IGF2R: variants seen among roughly 807,000 people sequenced by gnomAD.
IGF2R encodes the protein cation-independent mannose-6-phosphate receptor.
A neutral mutation model predicts 270.6 loss-of-function variants in IGF2R; 91 were observed. The observed-to-expected ratio is 0.34, with a 90% CI of 0.28 to 0.40. IGF2R has a LOEUF of 0.40. IGF2R is among the 10% of genes least tolerant of loss of function. The probability of loss-of-function intolerance (pLI) is 1.00; values close to 1 mark genes in which losing one functional copy is unlikely to be tolerated. For synonymous variants in IGF2R, 1,316 were observed against 1,258.9 expected (o/e 1.05, Z -0.96); for missense variants, 2,805 against 3,188.3 (o/e 0.88, Z 2.90).
intron 4 of IGF2R, among the ~76,000 whole-genome samples, chr6:160,019,192 A>T (rs868206553): frequency 6.6e-6 from 1 of 152,198 alleles, no homozygotes; most frequent in Non-Finnish European, 1.5e-5. Context: ...TTTAGAGGAA[A>T]TGTGTACATT....
intron 4 of IGF2R, among the ~76,000 whole-genome samples, chr6:160,021,432 T>G (rs1346400441): frequency 5.4e-5 from 6 of 112,144 alleles, no homozygotes; most frequent in Admixed American, 1.3e-4. Context: ...ATCACACACC[T>G]GGGACTGTTG....
In IGF2R at chr6:160,050,330, T is replaced by A. The variant is rs1778165694; in HGVS notation, c.2515-143T>A. 1.2e-6 allele frequency: 1 copy of A among 819,310 alleles called. No individual in the cohort carries two copies. Among genetic ancestry groups the A allele is most frequent in the Non-Finnish European group, 1.9e-6 (1 of 518,304 alleles). The allele number at this position is 819,310 out of a possible 1,614,324, so 50.8% of individuals were successfully genotyped here. Reference sequence around the variant, plus strand: ...TGAGGATGGTTTCCTATTCCATATGTAATAAGGGGATTTCCCCAGGAGCAG... The same window carrying A: ...TGAGGATGGTTTCCTATTCCATATGAAATAAGGGGATTTCCCCAGGAGCAG... On this transcript the variant is annotated intron_variant, in intron 18 of 47. Coordinates refer to ENST00000356956, the MANE Select transcript of IGF2R (RefSeq NM_000876.4). This position sits in a 1 kb window ranked among gnomAD's most constrained non-coding sequence, Gnocchi z 4.0.
At chr6:160,091,869 G>A (rs1779234699) in intron 44 of IGF2R, among the ~76,000 whole-genome samples, 1 of 152,222 alleles carries the variant, frequency 6.6e-6, no homozygotes, top group Admixed American at 6.5e-5. Flanking sequence ...ATGTCTGAGA[G>A]GCTCCCATGT....
chr6:160,060,765 T>A, intron 23 of IGF2R, 48 bp downstream of exon 23: 1 of 1,567,294 alleles, frequency 6.4e-7, no homozygotes, highest in Non-Finnish European at 8.8e-7. Flanking sequence ...AGAGTCAGTG[T>A]GTGTGTGAGT....
Position 160,009,968 on chromosome 6 carries a change from G to A in IGF2R, c.415-719G>A, listed in dbSNP as rs8191733. On this transcript the variant is annotated intron_variant, in intron 3 of 47. Transcript: ENST00000356956. ...TTTGGATCCGCATATAAATTGCATC[G>A]TTGTGCATATTGAGACCCAAAAAAG... Among the ~76,000 whole-genome samples, 872 of 143,392 alleles carry A rather than the reference G, an allele frequency of 6.1e-3. 6 individuals are homozygous for A. Among genetic ancestry groups the A allele is most frequent in the South Asian group, 0.012 (53 of 4,356 alleles). The allele number at this position is 143,392 out of a possible 152,430, so 94.1% of individuals were successfully genotyped here. A position where few individuals can be genotyped will look rare whatever the true frequency, so the allele number is the denominator to read the frequency against.
chr6:159,977,714 T>C (rs1583237425), intron 1 of IGF2R, among the ~76,000 whole-genome samples: 1 of 152,324 alleles, frequency 6.6e-6, no homozygotes, highest in African/African-American at 2.4e-5. Context: ...TTCCTGGGCT[T>C]GAATCCAGAC....
chr6:160,087,699 T>A (rs867549957), intron 41 of IGF2R, among the ~76,000 whole-genome samples: 1 of 152,230 alleles, frequency 6.6e-6, no homozygotes, highest in African/African-American at 2.4e-5. Context: ...GATGGAGTTT[T>A]GCTCTTGTTG....
At chr6:160,056,791 G>A (rs1412863696) in intron 20 of IGF2R, among the ~76,000 whole-genome samples, 1 of 152,178 alleles carries the variant, frequency 6.6e-6, no homozygotes, top group Non-Finnish European at 1.5e-5. Flanking sequence ...TGCCTTCCAT[G>A]TGGCAGTGGT....
At chr6:160,095,112 T>G (rs1779321814) in intron 44 of IGF2R, 1 of 152,208 alleles carries the variant, frequency 6.6e-6, no homozygotes, top group Non-Finnish European at 1.5e-5. Flanking sequence ...CTCTGGCCTC[T>G]GATTCTCAAC....
chr6:159,981,836 C>T (rs1315358175), intron 1 of IGF2R, among the ~76,000 whole-genome samples: 4 of 152,152 alleles, frequency 2.6e-5, no homozygotes, highest in South Asian at 4.1e-4. Context: ...ACTTAGATGT[C>T]GTGTTTGACT....
At chr6:159,986,430 G>GTTT (rs5741634) in intron 1 of IGF2R, among the ~76,000 whole-genome samples, 2 of 116,832 alleles carry the variant, frequency 1.7e-5, no homozygotes, top group African/African-American at 6.3e-5. Context: ...GTGTGTGTGT[G>GTTT]TTTTTTTTTT....
Position 160,105,364 on chromosome 6 carries a change from C to T in IGF2R, c.*280C>T, listed in dbSNP as rs574622604. On this transcript the variant is annotated 3_prime_UTR_variant, in exon 48 of 48. Transcript: ENST00000356956. ...CCTCATTTAAAAGCATAAGGCCGGA[C>T]GCATCTCAAAACAGAGGGCTGCATT... 14 of 354,260 alleles carry T rather than the reference C, an allele frequency of 4.0e-5. No individual in the cohort carries two copies. Among genetic ancestry groups the T allele is most frequent in the South Asian group, 2.7e-4 (4 of 14,926 alleles). The allele number at this position is 354,260 out of a possible 1,614,324, so 21.9% of individuals were successfully genotyped here.
At position 160,108,041 on chromosome 6, in the gene IGF2R, T is replaced by A. The variant is rs1422461500; in HGVS notation, c.*2957T>A. 6.6e-6 allele frequency: 1 copy of A among 152,266 alleles called. No homozygotes were observed. The highest frequency in any genetic ancestry group is 1.5e-5 in the Non-Finnish European group (1 of 68,066). 9.4% of individuals were successfully genotyped at this position (152,266 alleles called of 1,614,324 possible). A position where few individuals can be genotyped will look rare whatever the true frequency, so the allele number is the denominator to read the frequency against. On this transcript the variant is annotated 3_prime_UTR_variant, in exon 48 of 48. Coordinates refer to ENST00000356956, the MANE Select transcript of IGF2R (RefSeq NM_000876.4). ...ACACAGGTCTTACCCCTGTTGGCGA[T>A]CGGGTCACAAGGAGCCAGTGTGTGT...
rs528357410 is a variant in IGF2R at position 160,032,288 on chromosome 6, A to G, written c.883-263A>G. 1.1e-4 allele frequency among the ~76,000 whole-genome samples: 17 copies of G among 152,286 alleles called. 1 individual carries two copies. In the East Asian group the frequency reaches 2.5e-3, roughly 22 times the overall value. On this transcript the variant is annotated intron_variant, in intron 7 of 47. Coordinates refer to ENST00000356956, the MANE Select transcript of IGF2R (RefSeq NM_000876.4). ...CTGAAGGTGACTAGACTAGAAAGGGAATAGAGTGTAAAGAGGAAATGGAGG... is the reference window on the plus strand; with the variant it reads ...CTGAAGGTGACTAGACTAGAAAGGGGATAGAGTGTAAAGAGGAAATGGAGG...
intron 4 of IGF2R, among the ~76,000 whole-genome samples, chr6:160,022,982 T>G (rs1462470277): frequency 6.6e-6 from 1 of 151,804 alleles, no homozygotes; most frequent in African/African-American, 2.4e-5. Flanking sequence ...GAGTGGTAGG[T>G]TAGGGCGGTG....
chr6:160,012,745 T>TTA lies in IGF2R; in HGVS notation c.513+1978_513+1979dup, dbSNP rs201706423. Among the ~76,000 whole-genome samples the TTA allele has an allele frequency of 8.5e-4, 90 of 105,334 alleles. 3 individuals are homozygous for TTA. Among genetic ancestry groups the TTA allele is most frequent in the South Asian group, 2.4e-3 (7 of 2,954 alleles). 69.1% of individuals were successfully genotyped at this position (105,334 alleles called of 152,430 possible). A position where few individuals can be genotyped will look rare whatever the true frequency, so the allele number is the denominator to read the frequency against. On this transcript the variant is annotated intron_variant, in intron 4 of 47. Coordinates refer to ENST00000356956, the MANE Select transcript of IGF2R (RefSeq NM_000876.4). ...GCATGAGCCACCATGCCCGGCTAAT[T>TTA]TATATATATATATATATATTTTTTT...
At chr6:160,058,157 T>C in intron 21 of IGF2R, 33 bp downstream of exon 21, 1 of 1,425,366 alleles carries the variant, frequency 7.0e-7, no homozygotes, top group Non-Finnish European at 9.9e-7. Context: ...CCAGTTTGCT[T>C]TGAAACAGGG....
intron 2 of IGF2R, 95 bp from the exon 3 acceptor site, chr6:160,008,915 C>T: frequency 1.6e-6 from 2 of 1,250,790 alleles, no homozygotes; most frequent in Admixed American, 1.9e-5. Flanking sequence ...CTATCAGATA[C>T]ATTATAATGC....
At chr6:160,058,854 T>G in intron 21 of IGF2R, 52 bp from the exon 22 acceptor site, 93 of 1,494,850 alleles carry the variant, frequency 6.2e-5, no homozygotes, top group Non-Finnish European at 7.9e-5. Context: ...TTGTCTGTGG[T>G]GAGATACGAG....
Sources: gnomAD v4.1 joint callset for allele counts (sites outside exome capture counted in the v4.1 genomes callset) on GRCh38, gnomAD v4.1.1 for gene constraint, Gnocchi (gnomAD v3.1) non-coding constraint, MANE v1.5 for transcripts, NCBI Gene and HGNC (gene_info 2026-07-23, HGNC 2026-07-21) for gene names.